Variants in FAM149A observed in about 807,000 individuals in gnomAD.
FAM149A encodes the protein protein FAM149A.
Under a neutral mutation model 78.2 loss-of-function variants are expected in FAM149A, and 71 were observed. The ratio of observed to expected loss-of-function variants is 0.91; its 90% CI spans 0.75 to 1.11. The LOEUF is 1.11. FAM149A is among the 50% of genes least tolerant of loss of function. The pLI is 0.00. For synonymous variants in FAM149A, 446 were observed against 410.5 expected (o/e 1.09, Z -1.04); for missense variants, 1,036 against 971.0 (o/e 1.07, Z -0.89).
At chr4:186,116,666 C>G in intron 1 of FAM149A, 3 of 958,302 alleles carry the variant, frequency 3.1e-6, no homozygotes, top group Non-Finnish European at 3.7e-6. Flanking sequence ...GGCACGATCT[C>G]GGCTCACTGC....
intron 13 of FAM149A, among the ~76,000 whole-genome samples, chr4:186,168,409 G>A (rs1735237012): frequency 6.6e-6 from 1 of 152,316 alleles, no homozygotes; most frequent in East Asian, 1.9e-4. Context: ...AGGCTGGAGT[G>A]CAGTGGTGCA....
At chr4:186,159,358 G>A (rs1734329110) in intron 8 of FAM149A, among the ~76,000 whole-genome samples, 1 of 152,114 alleles carries the variant, frequency 6.6e-6, no homozygotes, top group Admixed American at 6.5e-5. Context: ...ATTTGAGCAG[G>A]AATGAGCAAG....
Position 186,105,266 on chromosome 4 carries a change from T to TCCGCCTCGCGGCGGTCGC in FAM149A, c.196_213dup (p.Ser66_Ala71dup). 1 of 1,201,098 alleles carries TCCGCCTCGCGGCGGTCGC rather than the reference T, an allele frequency of 8.3e-7. No homozygotes were observed. Among genetic ancestry groups the TCCGCCTCGCGGCGGTCGC allele is most frequent in the African/African-American group, 1.7e-5 (1 of 59,806 alleles). 74.4% of individuals were successfully genotyped at this position (1,201,098 alleles called of 1,614,324 possible). A position where few individuals can be genotyped will look rare whatever the true frequency, so the allele number is the denominator to read the frequency against. On this transcript the variant is annotated inframe_insertion, in exon 1 of 14. Coordinates refer to ENST00000389354, the MANE Select transcript of FAM149A (RefSeq NM_001367768.3). ...CCGCGCCCTGGCTCCGGACTCCCCC[T>TCCGCCTCGCGGCGGTCGC]CCGCCTCGCGGCGGTCGCCCGCCCC...
chr4:186,105,509 C>G lies in FAM149A; in HGVS notation c.433C>G (p.Leu145Val). The change falls in exon 1 of 14, where the codon CTC becomes GTC. Residue 145 changes from leucine to valine, a missense_variant. Leu to Val is a conservative substitution (Grantham distance 32). Transcript: ENST00000389354. The stretch of plus-strand genomic sequence containing the variant: ...CTGGGCCGCGCTCCCCAGGAACCCG[C>G]TCCAGCCTGGCCCCGGAGAGCGAGA... The G allele has an allele frequency of 1.7e-6, 2 of 1,173,262 alleles. No homozygotes were observed. The highest frequency in any genetic ancestry group is 1.1e-6 in the Non-Finnish European group (1 of 940,860). 72.7% of individuals were successfully genotyped at this position (1,173,262 alleles called of 1,614,324 possible).
At chr4:186,127,077 C>G (rs1314706332) in intron 1 of FAM149A, 1 of 985,352 alleles carries the variant, frequency 1.0e-6, no homozygotes, top group East Asian at 1.1e-4. Flanking sequence ...GAAGTAGTGT[C>G]TGTGTGATTC....
At chr4:186,115,505 T>G (rs2099313152) in intron 1 of FAM149A, among the ~76,000 whole-genome samples, 1 of 60,014 alleles carries the variant, frequency 1.7e-5, no homozygotes. Context: ...TCTGTTCTGT[T>G]TTTTCCCCAT....
chr4:186,160,159 G>GCA (rs969906479), intron 8 of FAM149A, among the ~76,000 whole-genome samples: 4 of 86,166 alleles, frequency 4.6e-5, no homozygotes, highest in Non-Finnish European at 6.8e-5. Flanking sequence ...CACACTACAC[G>GCA]CACACACACC....
chr4:186,128,888 G>A (rs1378846920), intron 1 of FAM149A, among the ~76,000 whole-genome samples: 2 of 151,894 alleles, frequency 1.3e-5, no homozygotes, highest in African/African-American at 4.8e-5. Context: ...GTATGGGTGT[G>A]TATGTGTGTG....
intron 1 of FAM149A, among the ~76,000 whole-genome samples, chr4:186,135,373 A>AT (rs1468862776): frequency 2.6e-5 from 4 of 152,188 alleles, no homozygotes; most frequent in Admixed American, 2.0e-4. Context: ...TCATATACAT[A>AT]TGAGTGGTGG....
chr4:186,153,818 A>G, intron 5 of FAM149A, 48 bp downstream of exon 5: 1 of 1,557,940 alleles, frequency 6.4e-7, no homozygotes, highest in South Asian at 1.2e-5. Context: ...GCTGTATTTT[A>G]GTTATACTTT....
rs545891390 is a variant in FAM149A at position 186,174,477 on chromosome 4, A to G, written c.*2490A>G. Among the ~76,000 whole-genome samples the G allele has an allele frequency of 2.5e-3, 283 of 112,102 alleles. 53 individuals are homozygous for G. The highest frequency in any genetic ancestry group is 7.4e-3 in the African/African-American group (266 of 35,766). The allele number at this position is 112,102 out of a possible 152,430, so 73.5% of individuals were successfully genotyped here. ...CACCGGATATTCAGTCTAAACTAAC[A>G]TTAAGGTAGGGTATCCAAGATAAAA... On this transcript the variant is annotated 3_prime_UTR_variant, in exon 14 of 14. Coordinates refer to ENST00000389354, the MANE Select transcript of FAM149A (RefSeq NM_001367768.3).
At chr4:186,137,097 G>T (rs1251275605) in intron 1 of FAM149A, among the ~76,000 whole-genome samples, 1 of 151,334 alleles carries the variant, frequency 6.6e-6, no homozygotes, top group Non-Finnish European at 1.5e-5. Context: ...CATATTTGTT[G>T]TGTTTAAAAT....
chr4:186,152,069 C>G (rs1002192300), intron 4 of FAM149A, 24 bp downstream of exon 4: 1 of 1,612,170 alleles, frequency 6.2e-7, no homozygotes, highest in Admixed American at 1.7e-5. Context: ...GGTGGAAGTT[C>G]TCTGGGGTGG....
Position 186,173,283 on chromosome 4 carries a change from T to C in FAM149A, c.*1296T>C, listed in dbSNP as rs1392603598. On this transcript the variant is annotated 3_prime_UTR_variant, in exon 14 of 14. Transcript: ENST00000389354. The stretch of plus-strand genomic sequence containing the variant: ...ATTAATGTTGTCCTTTATCACAGGG[T>C]GACAAAAATGACCCAGAGCCTTGCC... Among the ~76,000 whole-genome samples, 1 of 112,536 alleles carries C rather than the reference T, an allele frequency of 8.9e-6. No homozygotes were observed. Among genetic ancestry groups the C allele is most frequent in the Non-Finnish European group, 2.2e-5 (1 of 44,530 alleles). 73.8% of individuals were successfully genotyped at this position (112,536 alleles called of 152,430 possible).
At chr4:186,125,307 A>G in intron 1 of FAM149A, 4 of 985,290 alleles carry the variant, frequency 4.1e-6, no homozygotes, top group Non-Finnish European at 4.8e-6. Flanking sequence ...CTCGAACCAT[A>G]TCTTTCTCGT....
At position 186,164,482 on chromosome 4, in the gene FAM149A, A is replaced by C; in HGVS notation, c.1889+849A>C. On this transcript the variant is annotated intron_variant, in intron 10 of 13. Coordinates refer to ENST00000389354, the MANE Select transcript of FAM149A (RefSeq NM_001367768.3). The surrounding 1 kb of genome is among the most constrained non-coding windows in gnomAD (Gnocchi z 4.0). ...CTGCCAACGCTTACCTGGCACCCAG[A>C]CTTTTTCCAGATGCAGTCATAACCC... 2.0e-6 allele frequency: 2 copies of C among 985,360 alleles called. No individual in the cohort carries two copies. The highest frequency in any genetic ancestry group is 2.4e-6 in the Non-Finnish European group (2 of 829,890). The allele number at this position is 985,360 out of a possible 1,614,324, so 61.0% of individuals were successfully genotyped here.
chr4:186,143,572 A>T (rs190503403), intron 1 of FAM149A, among the ~76,000 whole-genome samples: 3 of 152,144 alleles, frequency 2.0e-5, no homozygotes, highest in South Asian at 4.2e-4. Flanking sequence ...TTTGAGACAG[A>T]GTCTCCCTCT....
At chr4:186,169,935 C>A in intron 13 of FAM149A, 2 of 985,348 alleles carry the variant, frequency 2.0e-6, no homozygotes, top group Non-Finnish European at 2.4e-6. Context: ...GCATCTGTAA[C>A]AACAAGCTAA....
chr4:186,158,450 A>G (rs1734246161), intron 8 of FAM149A: 5 of 1,145,226 alleles, frequency 4.4e-6, no homozygotes, highest in South Asian at 2.0e-5. Flanking sequence ...ACCATCCCCC[A>G]GGAACACCCA....
Sources: allele counts gnomAD v4.1 joint callset (sites outside exome capture counted in the v4.1 genomes callset), GRCh38; gene constraint gnomAD v4.1.1; non-coding constraint Gnocchi (gnomAD v3.1); transcripts MANE v1.5; gene names NCBI Gene and HGNC (gene_info 2026-07-23, HGNC 2026-07-21).